Variants in CNTN5 observed in about 807,000 individuals in gnomAD.
CNTN5 encodes the protein contactin 5.
A neutral mutation model predicts 129.1 loss-of-function variants in CNTN5; 77 were observed. The ratio of observed to expected loss-of-function variants is 0.60; its 90% CI spans 0.50 to 0.72. The LOEUF is 0.72. Among genes scored for constraint, CNTN5 ranks in the 30% least tolerant of loss-of-function variants. The pLI, the probability that CNTN5 is intolerant of heterozygous loss-of-function variation, is 0.00. For missense variants in CNTN5, 1,478 were observed against 1,328.8 expected (o/e 1.11, Z -1.75); for synonymous variants, 509 against 465.6 (o/e 1.09, Z -1.20).
intron 4 of CNTN5, among the ~76,000 whole-genome samples, chr11:99,835,128 C>T (rs947054888): frequency 5.9e-5 from 9 of 152,192 alleles, no homozygotes; most frequent in East Asian, 1.9e-4. Context: ...CTTTGCTGTA[C>T]GTGGTTGCCC....
At chr11:99,607,467 G>A (rs1440394838) in intron 3 of CNTN5, among the ~76,000 whole-genome samples, 2 of 108,870 alleles carry the variant, frequency 1.8e-5, no homozygotes, top group Non-Finnish European at 3.9e-5. Flanking sequence ...TGGAGAGGAT[G>A]TGGAGAAATA....
rs564444324 is a variant in CNTN5 at position 100,049,152 on chromosome 11, G to A, written c.981-12060G>A. Among the ~76,000 whole-genome samples, 5 of 152,078 alleles carry A rather than the reference G, an allele frequency of 3.3e-5. 1 individual carries two copies. Among genetic ancestry groups the A allele is most frequent in the African/African-American group, 1.2e-4 (5 of 41,494 alleles). ...AGAAATGTTTTTTTAAAATATATGTGTACATATAAAGTATATTTGCTGTTT... is the reference window on the plus strand; with the variant it reads ...AGAAATGTTTTTTTAAAATATATGTATACATATAAAGTATATTTGCTGTTT... On this transcript the variant is annotated intron_variant, in intron 9 of 24. Transcript: ENST00000524871.
chr11:99,694,133 G>GA (rs141249554), intron 3 of CNTN5, among the ~76,000 whole-genome samples: 243 of 147,816 alleles, frequency 1.6e-3, no homozygotes, highest in African/African-American at 4.3e-3. Context: ...GAGAAAGCTA[G>GA]AAAAAAAAAA....
chr11:99,575,553 C>T (rs1353251283), intron 3 of CNTN5, among the ~76,000 whole-genome samples: 7 of 152,056 alleles, frequency 4.6e-5, no homozygotes, highest in African/African-American at 1.4e-4. Flanking sequence ...TTTTGAGGGT[C>T]GCTAACATGG....
At chr11:99,810,849 C>T (rs1483308809) in intron 3 of CNTN5, among the ~76,000 whole-genome samples, 5 of 152,046 alleles carry the variant, frequency 3.3e-5, no homozygotes, top group Admixed American at 2.6e-4. Flanking sequence ...AATGGAGTCA[C>T]ACTGCAGGCT....
intron 2 of CNTN5, among the ~76,000 whole-genome samples, chr11:99,471,630 T>A (rs1220076669): frequency 6.8e-6 from 1 of 146,034 alleles, no homozygotes; most frequent in Non-Finnish European, 1.5e-5. Context: ...GATACTTACT[T>A]CATGTGTTTT....
intron 3 of CNTN5, among the ~76,000 whole-genome samples, chr11:99,568,426 A>G (rs2135569716): frequency 6.6e-6 from 1 of 152,352 alleles, no homozygotes; most frequent in Non-Finnish European, 1.5e-5. Flanking sequence ...CTGCTGTAAA[A>G]TATGCTTGCT....
At chr11:99,971,160 G>C (rs1037558178) in intron 8 of CNTN5, among the ~76,000 whole-genome samples, 1 of 152,020 alleles carries the variant, frequency 6.6e-6, no homozygotes, top group African/African-American at 2.4e-5. Flanking sequence ...CATGCAAATC[G>C]TATTTACCAG....
intron 3 of CNTN5, among the ~76,000 whole-genome samples, chr11:99,655,797 GGTA>G (rs972718464): frequency 3.0e-4 from 46 of 151,790 alleles, no homozygotes; most frequent in Admixed American, 1.1e-3. Flanking sequence ...TAGGTAATGA[GGTA>G]GTAGTAGAAT....
At chr11:99,490,066 A>G (rs996258439) in intron 2 of CNTN5, among the ~76,000 whole-genome samples, 3 of 152,172 alleles carry the variant, frequency 2.0e-5, no homozygotes, top group African/African-American at 7.2e-5. Flanking sequence ...CTTATTTAGT[A>G]ATATGATGAC....
At chr11:99,889,698 G>T (rs12418492) in intron 6 of CNTN5, among the ~76,000 whole-genome samples, 10,085 of 151,804 alleles carry the variant, frequency 0.066, 627 homozygotes, top group East Asian at 0.28. Flanking sequence ...GCCACGTCCA[G>T]CTAATTTTTA....
chr11:100,003,431 A>G (rs917496173), intron 9 of CNTN5, among the ~76,000 whole-genome samples: 1 of 152,196 alleles, frequency 6.6e-6, no homozygotes, highest in African/African-American at 2.4e-5. Flanking sequence ...AAGAAGCTCA[A>G]TACTGACAAA....
intron 6 of CNTN5, among the ~76,000 whole-genome samples, chr11:99,897,065 C>A (rs1949225282): frequency 6.6e-6 from 1 of 152,018 alleles, no homozygotes; most frequent in African/African-American, 2.4e-5. Flanking sequence ...GAAAGAACTT[C>A]AATGCGTAAA....
intron 2 of CNTN5, among the ~76,000 whole-genome samples, chr11:99,384,283 G>A (rs913966128): frequency 6.6e-6 from 1 of 152,136 alleles, no homozygotes; most frequent in African/African-American, 2.4e-5. Flanking sequence ...TGTAAATAAT[G>A]CATCCCTTGG....
At chr11:99,358,745 A>G (rs1938891161) in intron 2 of CNTN5, among the ~76,000 whole-genome samples, 1 of 152,162 alleles carries the variant, frequency 6.6e-6, no homozygotes, top group South Asian at 2.1e-4. Context: ...GTGCTAGATT[A>G]TATATGGCTA....
At chr11:100,014,298 C>T (rs1049397815) in intron 9 of CNTN5, among the ~76,000 whole-genome samples, 3 of 152,134 alleles carry the variant, frequency 2.0e-5, no homozygotes, top group Non-Finnish European at 2.9e-5. Flanking sequence ...GCATCATTAT[C>T]GACCTCTGCC....
intron 2 of CNTN5, among the ~76,000 whole-genome samples, chr11:99,427,474 A>C (rs1943171954): frequency 6.6e-6 from 1 of 152,176 alleles, no homozygotes; most frequent in African/African-American, 2.4e-5. Flanking sequence ...ATTAAAAGTG[A>C]AAATTTCTTG....
chr11:100,216,012 G>A (rs1441573463), intron 15 of CNTN5, among the ~76,000 whole-genome samples: 1 of 152,108 alleles, frequency 6.6e-6, no homozygotes, highest in East Asian at 1.9e-4. Context: ...CCACAAAGGA[G>A]GTACACAAAC....
At chr11:99,378,064 G>A (rs1940298224) in intron 2 of CNTN5, among the ~76,000 whole-genome samples, 1 of 151,984 alleles carries the variant, frequency 6.6e-6, no homozygotes, top group African/African-American at 2.4e-5. Context: ...TTATCTTTTG[G>A]ATACAAATCT....
Sources: gnomAD v4.1 joint callset for allele counts (sites outside exome capture counted in the v4.1 genomes callset) on GRCh38, gnomAD v4.1.1 for gene constraint, MANE v1.5 for transcripts, NCBI Gene and HGNC (gene_info 2026-07-23, HGNC 2026-07-21) for gene names.